Variants in CATIP observed in about 807,000 individuals in gnomAD.
The protein encoded by CATIP is ciliogenesis-associated TTC17-interacting protein.
In CATIP, 40 loss-of-function variants were observed where a neutral mutation model predicts 42.5. The observed-to-expected ratio is 0.94, with a 90% CI of 0.73 to 1.22. The LOEUF (loss-of-function observed/expected upper bound fraction) is 1.22, where lower values mean the gene tolerates loss of function less well. CATIP is among the 50% of genes most tolerant of loss of function. CATIP has a pLI of 0.00. For synonymous variants in CATIP, 222 were observed against 200.2 expected (o/e 1.11, Z -0.92); for missense variants, 489 against 496.0 (o/e 0.99, Z 0.13).
chr2:218,357,390 T>G, intron 2 of CATIP, 144 bp from the exon 3 acceptor site: 3 of 765,254 alleles, frequency 3.9e-6, no homozygotes, highest in Non-Finnish European at 6.3e-6. Context: ...GGCAGGAGTC[T>G]TCACCTGTCC....
Position 218,358,112 on chromosome 2 carries a change from C to T in CATIP, c.375+20C>T, listed in dbSNP as rs779033425. ...ATCAAGGTACTTCCCAGGGCCCCAG[C>T]CTTGACCCAATCCAGGGGAGAGAAG... On this transcript the variant is annotated intron_variant, in intron 4 of 9. Transcript: ENST00000289388. 1.2e-6 allele frequency: 2 copies of T among 1,605,890 alleles called. No homozygotes were observed. Among genetic ancestry groups the T allele is most frequent in the South Asian group, 1.1e-5 (1 of 90,252 alleles).
At chr2:218,366,743 G>C in intron 7 of CATIP, 1 of 412,258 alleles carries the variant, frequency 2.4e-6, no homozygotes, top group South Asian at 2.1e-5. Flanking sequence ...TCTGGTGAGG[G>C]CTGTCTTCCT....
In CATIP at chr2:218,357,652, C is replaced by T. The variant is rs140422711; in HGVS notation, c.237C>T (p.Leu79=). The T allele has an allele frequency of 6.2e-6, 10 of 1,613,974 alleles. No individual in the cohort carries two copies. Among genetic ancestry groups the T allele is most frequent in the East Asian group, 2.2e-5 (1 of 44,886 alleles). The change falls in exon 3 of 10, where the codon CTC becomes CTT. Residue 79 remains leucine (L), a synonymous_variant. Transcript: ENST00000289388. ...EVQRGKYQEK[L]GMLTYCLFVH... Reference sequence around the variant, plus strand: ...AGAGAGGGAAATACCAGGAAAAACTCGGCATGCTGACATACTGCCTCTTCG... The same window carrying T: ...AGAGAGGGAAATACCAGGAAAAACTTGGCATGCTGACATACTGCCTCTTCG...
At chr2:218,361,790 T>A (rs184986379) in intron 5 of CATIP, among the ~76,000 whole-genome samples, 1 of 152,352 alleles carries the variant, frequency 6.6e-6, no homozygotes, top group East Asian at 1.9e-4. Flanking sequence ...CTTAGTGATT[T>A]GGGGTCCCAA....
Position 218,359,341 on chromosome 2 carries a change from C to CAAA in CATIP, c.376-1211_376-1209dup, listed in dbSNP as rs140677940. On this transcript the variant is annotated intron_variant, in intron 4 of 9. Transcript: ENST00000289388. The stretch of plus-strand genomic sequence containing the variant: ...TGGGCAACAGAGCGAGACTCTGTCT[C>CAAA]AAAAAAAAAAAAAAAAAAAAAAATG... 9.5e-4 allele frequency among the ~76,000 whole-genome samples: 76 copies of CAAA among 79,680 alleles called. 1 individual carries two copies. Among genetic ancestry groups the CAAA allele is most frequent in the African/African-American group, 3.3e-3 (65 of 19,406 alleles). 52.3% of individuals were successfully genotyped at this position (79,680 alleles called of 152,430 possible).
chr2:218,362,609 G>A (rs1350428910), intron 5 of CATIP, 126 bp from the exon 6 acceptor site: 2 of 877,350 alleles, frequency 2.3e-6, no homozygotes, highest in Non-Finnish European at 3.5e-6. Context: ...TCCAGCCTGG[G>A]TGACAAAAAG....
chr2:218,357,067 G>C lies in CATIP; in HGVS notation c.26-28G>C, dbSNP rs571073505. 7 of 1,599,536 alleles carry C rather than the reference G, an allele frequency of 4.4e-6. No individual in the cohort carries two copies. The East Asian group carries it at 1.6e-4, about 36-fold the overall frequency. On this transcript the variant is annotated intron_variant, in intron 1 of 9. Coordinates refer to ENST00000289388, the MANE Select transcript of CATIP (RefSeq NM_198559.2). Reference sequence around the variant, plus strand: ...ACCCCTGCCCTTCTCCCCAGGGTCTGCCATCTTAGCCTCTCATCCCTCTGT... The same window carrying C: ...ACCCCTGCCCTTCTCCCCAGGGTCTCCCATCTTAGCCTCTCATCCCTCTGT...
intron 4 of CATIP, among the ~76,000 whole-genome samples, chr2:218,359,635 C>T (rs1559102647): frequency 1.3e-5 from 2 of 152,044 alleles, no homozygotes; most frequent in Admixed American, 6.6e-5. Context: ...GTTTGGGTAT[C>T]AGGAGAACTT....
At chr2:218,366,887 T>TG in intron 7 of CATIP, 137 bp from the exon 8 acceptor site, 2 of 712,178 alleles carry the variant, frequency 2.8e-6, no homozygotes, top group Non-Finnish European at 5.1e-6. Context: ...CCCACCCTTA[T>TG]GACTGCATGT....
intron 8 of CATIP, 121 bp from the exon 9 acceptor site, chr2:218,367,309 C>T: frequency 1.0e-6 from 1 of 978,082 alleles, no homozygotes. Context: ...CAACTCTGCC[C>T]ATGTGGGCAG....
chr2:218,358,469 G>C (rs1222136141), intron 4 of CATIP, among the ~76,000 whole-genome samples: 2 of 152,124 alleles, frequency 1.3e-5, no homozygotes, highest in Non-Finnish European at 2.9e-5. Context: ...GCTGAGGCAG[G>C]AGAATCGCTT....
chr2:218,360,039 T>C (rs1695180222), intron 4 of CATIP, among the ~76,000 whole-genome samples: 1 of 152,140 alleles, frequency 6.6e-6, no homozygotes, highest in Non-Finnish European at 1.5e-5. Flanking sequence ...TTGGCCAGGC[T>C]GGTCTTGAAC....
At chr2:218,359,918 G>C (rs538187926) in intron 4 of CATIP, among the ~76,000 whole-genome samples, 1 of 151,784 alleles carries the variant, frequency 6.6e-6, no homozygotes, top group Non-Finnish European at 1.5e-5. Flanking sequence ...TTCACCTTCC[G>C]GGTTCAAGCA....
At position 218,357,194 on chromosome 2, in the gene CATIP, TCAGA is replaced by T. The variant is rs779669563; in HGVS notation, c.118+11_118+14del. On this transcript the variant is annotated splice_region_variant and intron_variant, in intron 2 of 9. Transcript: ENST00000289388. ...GACTTCCTCAGCTCCCTCCGTGAGC[TCAGA>T]CAGTGTCGGGGTTGGGGGTGCGGGA... The T allele has an allele frequency of 2.5e-6, 4 of 1,607,402 alleles. No homozygotes were observed. Among genetic ancestry groups the T allele is most frequent in the Middle Eastern group, 1.7e-4 (1 of 6,044 alleles).
Position 218,362,729 on chromosome 2 carries a change from G to A in CATIP, c.463-6G>A. 6.2e-7 allele frequency: 1 copy of A among 1,613,760 alleles called. No individual in the cohort carries two copies. The highest frequency in any genetic ancestry group is 8.5e-7 in the Non-Finnish European group (1 of 1,179,786). ...CAGGACCCTGACCCAGATCAGTTCT[G>A]AACAGGAAGTGAAGACTGGAGTGAC... On this transcript the variant is annotated splice_polypyrimidine_tract_variant and splice_region_variant and intron_variant, in intron 5 of 9. Transcript: ENST00000289388.
chr2:218,358,475 C>T (rs889492234), intron 4 of CATIP, among the ~76,000 whole-genome samples: 5 of 152,214 alleles, frequency 3.3e-5, no homozygotes, highest in South Asian at 2.1e-4. Context: ...GCAGGAGAAT[C>T]GCTTGAACCC....
chr2:218,364,570 G>A (rs933608981), intron 6 of CATIP, 58 bp from the exon 7 acceptor site: 1 of 1,597,636 alleles, frequency 6.3e-7, no homozygotes, highest in South Asian at 1.1e-5. Flanking sequence ...TAAGATGATG[G>A]GGAGCCCTTG....
chr2:218,365,824 T>TCTCTCA (rs1695413800), intron 7 of CATIP: 1 of 147,388 alleles, frequency 6.8e-6, no homozygotes, highest in Admixed American at 6.6e-5. Flanking sequence ...TCTCTCTCTC[T>TCTCTCA]GTCTCTTTCT....
chr2:218,364,619 T>C lies in CATIP; in HGVS notation c.631-9T>C. On this transcript the variant is annotated splice_polypyrimidine_tract_variant and intron_variant, in intron 6 of 9. Coordinates refer to ENST00000289388, the MANE Select transcript of CATIP (RefSeq NM_198559.2). ...TTACCTCCCACCCCCCAATTTTGGC[T>C]GTTGCCAGCAAAACCTGGGCTTCCA... The C allele has an allele frequency of 6.2e-7, 1 of 1,613,246 alleles. No homozygotes were observed. The highest frequency in any genetic ancestry group is 8.5e-7 in the Non-Finnish European group (1 of 1,179,520).
Sources: gnomAD v4.1 joint callset for allele counts (sites outside exome capture counted in the v4.1 genomes callset) on GRCh38, gnomAD v4.1.1 for gene constraint, MANE v1.5 for transcripts, NCBI Gene and HGNC (gene_info 2026-07-23, HGNC 2026-07-21) for gene names.